Variants in CHIC1 observed in about 807,000 individuals in gnomAD.
CHIC1 encodes cysteine-rich hydrophobic domain-containing protein 1.
Under a neutral mutation model 18.5 loss-of-function variants are expected in CHIC1, and 7 were observed. The observed-to-expected ratio is 0.38, with a 90% confidence interval of 0.22 to 0.71. The LOEUF (loss-of-function observed/expected upper bound fraction) is 0.71. CHIC1 is among the 30% of genes least tolerant of loss of function. The pLI is 0.49. For missense variants in CHIC1, 159 were observed against 176.9 expected, an observed-to-expected ratio of 0.90 and a Z score of 0.57; for synonymous variants, 77 against 73.5, an observed-to-expected ratio of 1.05 and a Z score of -0.25.
chrX:73,572,387 A>G (rs1273559656), intron 1 of CHIC1, among the ~76,000 whole-genome samples: 4 of 110,646 alleles, frequency 3.6e-5, no homozygotes. Flanking sequence ...GGTCAATTCC[A>G]TATCCTTGCT....
intron 3 of CHIC1, among the ~76,000 whole-genome samples, chrX:73,670,446 T>G (rs1384464119): frequency 9.0e-6 from 1 of 110,773 alleles, no homozygotes; most frequent in Non-Finnish European, 1.9e-5. Flanking sequence ...CAACTTTTTC[T>G]TTCATTTATC....
chrX:73,630,647 G>A (rs1603345436), intron 3 of CHIC1, among the ~76,000 whole-genome samples: 1 of 111,578 alleles, frequency 9.0e-6, no homozygotes. Flanking sequence ...TGCTGATATT[G>A]TGTTCAAGAT....
chrX:73,617,088 C>T (rs2057736622), intron 3 of CHIC1, among the ~76,000 whole-genome samples: 1 of 111,965 alleles, frequency 8.9e-6, no homozygotes, highest in Non-Finnish European at 1.9e-5. Context: ...CCCAAGTCAC[C>T]TCTTGAATGC....
chrX:73,563,458 A>G lies in CHIC1; in HGVS notation c.174A>G (p.Glu58=), dbSNP rs1454231703. Residue 58 remains glutamate (E), a synonymous_variant, in exon 1 of 6, where the codon GAA becomes GAG. Coordinates refer to ENST00000373502, the MANE Select transcript of CHIC1 (RefSeq NM_001039840.4). ...AAGAGGAGGAAGAGGAGGAGGAGGA[A>G]GAAGAGGAGGAGGAGGAAGAGGAGG... ...EEEEEEEEEE[E]EEEEEEEEEE... The G allele has an allele frequency of 1.1e-5, 13 of 1,159,968 alleles. No individual in the cohort carries two copies. Among genetic ancestry groups the G allele is most frequent in the South Asian group, 2.0e-5 (1 of 49,600 alleles).
At chrX:73,571,393 G>A (rs2057470175) in intron 1 of CHIC1, among the ~76,000 whole-genome samples, 1 of 111,408 alleles carries the variant, frequency 9.0e-6, no homozygotes, top group African/African-American at 3.2e-5. Context: ...ATAATGAATT[G>A]CATCTTTTCA....
At chrX:73,599,906 C>T (rs2057634301) in intron 3 of CHIC1, among the ~76,000 whole-genome samples, 1 of 98,077 alleles carries the variant, frequency 1.0e-5, no homozygotes, top group Non-Finnish European at 2.0e-5. Flanking sequence ...GGCATTGAAT[C>T]TGTAAATTAC....
chrX:73,615,839 T>A (rs2057730243), intron 3 of CHIC1, among the ~76,000 whole-genome samples: 1 of 111,101 alleles, frequency 9.0e-6, no homozygotes, highest in South Asian at 3.8e-4. Context: ...GTGGGGTTGC[T>A]TTTAGTGTCA....
intron 3 of CHIC1, among the ~76,000 whole-genome samples, chrX:73,659,707 G>A (rs1407960119): frequency 9.0e-6 from 1 of 111,610 alleles, no homozygotes; most frequent in Non-Finnish European, 1.9e-5. Flanking sequence ...CATATGGTTG[G>A]GTAGTGCAAA....
chrX:73,625,234 C>T (rs1476984718), intron 3 of CHIC1, among the ~76,000 whole-genome samples: 2 of 111,408 alleles, frequency 1.8e-5, no homozygotes, highest in African/African-American at 6.5e-5. Flanking sequence ...ATACATATGA[C>T]AAACCATACA....
intron 3 of CHIC1, among the ~76,000 whole-genome samples, chrX:73,653,381 G>A (rs754373375): frequency 6.3e-4 from 70 of 111,999 alleles, no homozygotes; most frequent in Admixed American, 2.6e-3. Flanking sequence ...TGTAAAATAT[G>A]TGGATTTACT....
chrX:73,610,492 A>G (rs1377645684), intron 3 of CHIC1, among the ~76,000 whole-genome samples: 1 of 103,715 alleles, frequency 9.6e-6, no homozygotes, highest in South Asian at 4.2e-4. Context: ...TGGGAGCTAC[A>G]GACTGCAGCT....
At position 73,599,956 on chromosome X, in the gene CHIC1, T is replaced by C. The variant is rs1603342098; in HGVS notation, c.507+15384T>C. Among the ~76,000 whole-genome samples the C allele has an allele frequency of 7.2e-5, 7 of 96,952 alleles. No homozygotes were observed. In the South Asian group the frequency reaches 3.1e-3, roughly 43 times the overall value. The allele number at this position is 96,952 out of a possible 115,157, so 84.2% of individuals were successfully genotyped here. A position where few individuals can be genotyped will look rare whatever the true frequency, so the allele number is the denominator to read the frequency against. On this transcript the variant is annotated intron_variant, in intron 3 of 5. Transcript: ENST00000373502. The stretch of plus-strand genomic sequence containing the variant: ...CCATTTTCACGATATTGATTCTTCC[T>C]ACCCATGAGCATGGAATGTTCTTCC...
At chrX:73,639,028 T>C (rs1244549385) in intron 3 of CHIC1, among the ~76,000 whole-genome samples, 2 of 111,829 alleles carry the variant, frequency 1.8e-5, no homozygotes, top group African/African-American at 6.5e-5. Context: ...TTATATTCCT[T>C]TGGGTATATA....
At position 73,680,938 on chromosome X, in the gene CHIC1, T is replaced by C. The variant is rs1214027092; in HGVS notation, c.625-17T>C. The C allele has an allele frequency of 2.3e-6, 2 of 888,286 alleles. No homozygotes were observed. Among genetic ancestry groups the C allele is most frequent in the African/African-American group, 4.0e-5 (2 of 50,031 alleles). 73.2% of individuals were successfully genotyped at this position (888,286 alleles called of 1,213,427 possible). ...TGAAAAATATTTTGTAAATATATTC[T>C]TGTTTTTATTTTGCAGGTAATACTA... is the stretch of plus-strand genomic sequence containing the variant. On this transcript the variant is annotated splice_polypyrimidine_tract_variant and intron_variant, in intron 5 of 5. Coordinates refer to ENST00000373502, the MANE Select transcript of CHIC1 (RefSeq NM_001039840.4).
chrX:73,669,614 A>T (rs1233179250), intron 3 of CHIC1, among the ~76,000 whole-genome samples: 2 of 110,265 alleles, frequency 1.8e-5, no homozygotes, highest in Admixed American at 9.6e-5. Context: ...GTGTGGAAGA[A>T]TGGATTTGGT....
chrX:73,572,484 T>C lies in CHIC1; in HGVS notation c.297-4923T>C, dbSNP rs189982342. On this transcript the variant is annotated intron_variant, in intron 1 of 5. Coordinates refer to ENST00000373502, the MANE Select transcript of CHIC1 (RefSeq NM_001039840.4). ...CTTCCCTTGGGTATATACCCAGTAA[T>C]GGAATTGCTGGTTTAAATTGTAGTT... 2.2e-4 allele frequency among the ~76,000 whole-genome samples: 24 copies of C among 111,250 alleles called. No homozygotes were observed. The Middle Eastern group carries it at 0.014, about 64-fold the overall frequency.
intron 3 of CHIC1, among the ~76,000 whole-genome samples, chrX:73,598,470 A>T (rs1184628574): frequency 1.2e-5 from 1 of 84,069 alleles, no homozygotes; most frequent in Non-Finnish European, 2.3e-5. Flanking sequence ...TCCCAGTGCT[A>T]TCCCTCCCCC....
intron 3 of CHIC1, among the ~76,000 whole-genome samples, chrX:73,665,016 C>T (rs930092217): frequency 4.5e-5 from 5 of 112,052 alleles, no homozygotes; most frequent in Non-Finnish European, 9.4e-5. Flanking sequence ...TTTTTATAAA[C>T]GTTAAAAGAA....
At chrX:73,648,362 T>A (rs1187254566) in intron 3 of CHIC1, among the ~76,000 whole-genome samples, 2 of 111,993 alleles carry the variant, frequency 1.8e-5, no homozygotes, top group Non-Finnish European at 1.9e-5. Flanking sequence ...GGACAGAGAA[T>A]GAGATGGACG....
Sources: gnomAD v4.1 joint callset for allele counts (sites outside exome capture counted in the v4.1 genomes callset) on GRCh38, gnomAD v4.1.1 for gene constraint, MANE v1.5 for transcripts, NCBI Gene and HGNC (gene_info 2026-07-23, HGNC 2026-07-21) for gene names.